The following IQUB variants were observed in gnomAD, a reference collection of about 807,000 sequenced individuals.
The protein encoded by IQUB is IQ motif and ubiquitin domain containing.
Under a neutral mutation model 86.4 loss-of-function variants are expected in IQUB, and 86 were observed. The observed-to-expected ratio is 1.00, with a 90% CI of 0.84 to 1.19. IQUB has a LOEUF of 1.19. Ranked by LOEUF, IQUB falls within the 50% of genes most tolerant of loss-of-function variation. The pLI, the probability that IQUB is intolerant of heterozygous loss-of-function variation, is 0.00. For missense variants in IQUB, 946 were observed against 916.9 expected, an observed-to-expected ratio of 1.03 and a Z score of -0.41; for synonymous variants, 289 against 304.5, an observed-to-expected ratio of 0.95 and a Z score of 0.53.
At position 123,502,703 on chromosome 7, in the gene IQUB, G is replaced by A. The variant is rs372835761; in HGVS notation, c.917C>T (p.Thr306Ile). The change falls in exon 6 of 13, where the codon ACA becomes ATA. Residue 306 changes from threonine (T) to isoleucine (I), a missense_variant. Thr to Ile is a moderately conservative substitution (Grantham distance 89). Transcript: ENST00000324698. The part of the protein sequence containing the change: ...NLQQTTNTTS[T>I]QMTNIGVYVS... ...ATATACACCAATGTTAGTCATCTGT[G>A]TGGATGTTGTATTTGTAGTTTGTTG... 4.4e-6 allele frequency: 7 copies of A among 1,609,116 alleles called. No individual in the cohort carries two copies. Among genetic ancestry groups the A allele is most frequent in the Non-Finnish European group, 5.9e-6 (7 of 1,178,166 alleles).
At chr7:123,478,591 G>A (rs1488498986) in intron 8 of IQUB, among the ~76,000 whole-genome samples, 1 of 151,974 alleles carries the variant, frequency 6.6e-6, no homozygotes, top group East Asian at 1.9e-4. Flanking sequence ...AACAATGTAT[G>A]CTAAAGCAGA....
chr7:123,508,604 G>C (rs1375994957), intron 3 of IQUB, among the ~76,000 whole-genome samples: 1 of 152,200 alleles, frequency 6.6e-6, no homozygotes, highest in East Asian at 1.9e-4. Flanking sequence ...AAGACGAAAG[G>C]TCATGAGGTA....
chr7:123,519,612 T>C (rs1392867839), intron 1 of IQUB, among the ~76,000 whole-genome samples: 1 of 152,032 alleles, frequency 6.6e-6, no homozygotes, highest in Non-Finnish European at 1.5e-5. Context: ...CTCACAAGGA[T>C]AGAGAGTAGA....
intron 11 of IQUB, 49 bp from the exon 12 acceptor site, chr7:123,457,615 A>C: frequency 7.5e-7 from 1 of 1,331,874 alleles, no homozygotes; most frequent in Non-Finnish European, 1.1e-6. Flanking sequence ...AATTTGTTTA[A>C]GATTATTATA....
At chr7:123,500,730 T>C (rs1229564784) in intron 6 of IQUB, among the ~76,000 whole-genome samples, 1 of 152,134 alleles carries the variant, frequency 6.6e-6, no homozygotes, top group African/African-American at 2.4e-5. Flanking sequence ...GGCAAATCTA[T>C]TTGGTTCTTG....
At chr7:123,523,755 G>A (rs1797031570) in intron 1 of IQUB, among the ~76,000 whole-genome samples, 1 of 152,106 alleles carries the variant, frequency 6.6e-6, no homozygotes, top group Non-Finnish European at 1.5e-5. Flanking sequence ...TGCTTTTGGT[G>A]TTTTAGACAT....
At chr7:123,468,881 T>TG (rs1483038050) in intron 9 of IQUB, among the ~76,000 whole-genome samples, 1 of 152,198 alleles carries the variant, frequency 6.6e-6, no homozygotes, top group Non-Finnish European at 1.5e-5. Flanking sequence ...AAAAATACAA[T>TG]GGTGCTGCTT....
chr7:123,521,542 G>A (rs928649844), intron 1 of IQUB, among the ~76,000 whole-genome samples: 1 of 152,004 alleles, frequency 6.6e-6, no homozygotes, highest in East Asian at 1.9e-4. Context: ...AATTACTCAG[G>A]AGGCTGAGGT....
rs376452246 is a variant in IQUB at position 123,503,125 on chromosome 7, T to G, written c.695-9A>C. 87 of 1,610,900 alleles carry G rather than the reference T, an allele frequency of 5.4e-5. No homozygotes were observed. The African/African-American group carries it at 1.1e-3, about 20-fold the overall frequency. On this transcript the variant is annotated splice_polypyrimidine_tract_variant and intron_variant, in intron 4 of 12. Transcript: ENST00000324698. Reference sequence around the variant, plus strand: ...CTGGTATTGATCAAGTCCTGAGAGATAACACCAAGATTCAATGAAAGCTCA... The same window carrying G: ...CTGGTATTGATCAAGTCCTGAGAGAGAACACCAAGATTCAATGAAAGCTCA...
At chr7:123,500,618 A>G (rs1456936172) in intron 6 of IQUB, among the ~76,000 whole-genome samples, 1 of 152,170 alleles carries the variant, frequency 6.6e-6, no homozygotes, top group African/African-American at 2.4e-5. Flanking sequence ...TTAAACGGAA[A>G]TGTACTCCCT....
rs1056688254 is a variant in IQUB at position 123,496,708 on chromosome 7, T to G, written c.1222A>C (p.Asn408His). 1.4e-5 allele frequency: 23 copies of G among 1,596,444 alleles called. No individual in the cohort carries two copies. Among genetic ancestry groups the G allele is most frequent in the Non-Finnish European group, 2.0e-5 (23 of 1,168,514 alleles). The change falls in exon 7 of 13, where the codon AAT (asparagine) becomes CAT (histidine). Residue 408 changes from asparagine to histidine, a missense_variant. By Grantham distance (68) the Asn-to-His change is moderately conservative. Transcript: ENST00000324698. The stretch of plus-strand genomic sequence containing the variant: ...GTGTCCAACTTACATTCTAATGCAT[T>G]ATAAAGAAATTCAAAATCTTCATTT... ...KTNEDFEFLY[N>H]ALEFWRQEEL...
At chr7:123,500,837 A>C (rs972854767) in intron 6 of IQUB, among the ~76,000 whole-genome samples, 2 of 152,156 alleles carry the variant, frequency 1.3e-5, no homozygotes, top group East Asian at 3.9e-4. Flanking sequence ...CAAAAAAAAA[A>C]CACAACTCAC....
At chr7:123,488,370 G>T (rs1158225464) in intron 7 of IQUB, among the ~76,000 whole-genome samples, 2 of 146,272 alleles carry the variant, frequency 1.4e-5, no homozygotes, top group South Asian at 2.2e-4. Flanking sequence ...AAAAAGAAAA[G>T]CTGAGCTCAC....
intron 11 of IQUB, among the ~76,000 whole-genome samples, chr7:123,459,342 T>G (rs904540645): frequency 6.6e-6 from 1 of 152,040 alleles, no homozygotes; most frequent in African/African-American, 2.4e-5. Flanking sequence ...AGGGTAGTTT[T>G]GGATGAGATT....
intron 1 of IQUB, chr7:123,532,915 G>C (rs1467798506): frequency 6.6e-6 from 1 of 152,340 alleles, no homozygotes; most frequent in Non-Finnish European, 1.5e-5. Context: ...GCCAGTGACC[G>C]GCTGCGGCTG....
At chr7:123,490,665 T>C (rs947681131) in intron 7 of IQUB, among the ~76,000 whole-genome samples, 2 of 152,152 alleles carry the variant, frequency 1.3e-5, no homozygotes, top group South Asian at 2.1e-4. Flanking sequence ...TATCAATAAA[T>C]TTAAAAGAAC....
rs377185751 is a variant in IQUB, at chr7:123,512,296, A to G, written c.45T>C (p.Asn15=). Residue 15 remains asparagine (N), a synonymous_variant, in exon 2 of 13, where the codon AAT becomes AAC. Transcript: ENST00000324698. Reference sequence around the variant, plus strand: ...AAGCATCATCACTCTCTTCTGTTGAATTGACTATATTCTGAGCTTCATACT... The same window carrying G: ...AAGCATCATCACTCTCTTCTGTTGAGTTGACTATATTCTGAGCTTCATACT... ...QEKYEAQNIV[N]STEESDDAFD... 9 of 1,606,254 alleles carry G rather than the reference A, an allele frequency of 5.6e-6. No individual in the cohort carries two copies. The highest frequency in any genetic ancestry group is 1.3e-5 in the African/African-American group (1 of 74,886).
chr7:123,506,198 T>C (rs1158657580), intron 3 of IQUB, among the ~76,000 whole-genome samples: 1 of 152,214 alleles, frequency 6.6e-6, no homozygotes, highest in African/African-American at 2.4e-5. Flanking sequence ...CATATCACTA[T>C]CAGCATTTTG....
chr7:123,470,711 C>T (rs962028405), intron 8 of IQUB, among the ~76,000 whole-genome samples: 2 of 151,932 alleles, frequency 1.3e-5, no homozygotes, highest in Non-Finnish European at 2.9e-5. Context: ...ATTAGCCGGG[C>T]GTGGTGACGG....
Sources: gnomAD v4.1 joint callset for allele counts (sites outside exome capture counted in the v4.1 genomes callset) on GRCh38, gnomAD v4.1.1 for gene constraint, MANE v1.5 for transcripts, NCBI Gene and HGNC (gene_info 2026-07-23, HGNC 2026-07-21) for gene names.